ZNF503: variants seen among roughly 807,000 people sequenced by gnomAD.
The protein encoded by ZNF503 is zinc finger protein 503, also known as NocA-like zinc finger 2.
A neutral mutation model predicts 34.4 loss-of-function variants in ZNF503; 15 were observed. The ratio of observed to expected loss-of-function variants is 0.44; its 90% CI spans 0.29 to 0.67. The LOEUF is 0.67. Among genes scored for constraint, ZNF503 ranks in the 30% least tolerant of loss-of-function variants. ZNF503 has a pLI of 0.13. For synonymous variants in ZNF503, 580 were observed against 456.8 expected, an observed-to-expected ratio of 1.27 and a Z score of -3.44; for missense variants, 1,007 against 926.8, an observed-to-expected ratio of 1.09 and a Z score of -1.12.
At chr10:75,295,204 G>A in the ZNF503 span, among the ~76,000 whole-genome samples, 1 of 151,690 alleles carries the variant, frequency 6.6e-6, no homozygotes, top group Admixed American at 6.6e-5. The surrounding 1 kb of genome is among the most constrained non-coding windows in gnomAD (Gnocchi z 4.0). Flanking sequence ...CGCGGGGCGG[G>A]CCCGCCTGGG....
At chr10:75,360,120 T>C in the ZNF503 span, among the ~76,000 whole-genome samples, 1,057 of 138,246 alleles carry the variant, frequency 7.6e-3, 4 homozygotes, top group African/African-American at 0.027. Context: ...GTTTCTTTTT[T>C]TTTTTTTTTT....
At chr10:75,350,319 A>T in the ZNF503 span, 3 of 152,166 alleles carry the variant, frequency 2.0e-5, no homozygotes, top group Non-Finnish European at 4.4e-5. Context: ...GAAACTGAAC[A>T]CTTTGGGGAG....
At chr10:75,379,887 T>A in the ZNF503 span, among the ~76,000 whole-genome samples, 1 of 152,142 alleles carries the variant, frequency 6.6e-6, no homozygotes, top group Non-Finnish European at 1.5e-5. Flanking sequence ...GCCATCCAAA[T>A]GCAAGGTGGG....
the ZNF503 span, among the ~76,000 whole-genome samples, chr10:75,362,664 C>A: frequency 6.6e-6 from 1 of 152,200 alleles, no homozygotes. Flanking sequence ...GGGCTAAAGT[C>A]TTAATAATGA....
the ZNF503 span, among the ~76,000 whole-genome samples, chr10:75,354,446 G>A: frequency 1.3e-5 from 2 of 152,274 alleles, no homozygotes; most frequent in African/African-American, 4.8e-5. Context: ...GGCTTGGTAG[G>A]TCACGCCTAT....
chr10:75,367,857 C>G, the ZNF503 span, among the ~76,000 whole-genome samples: 2 of 152,180 alleles, frequency 1.3e-5, no homozygotes, highest in Non-Finnish European at 2.9e-5. Flanking sequence ...TGCCACACCT[C>G]CCCCTTATTT....
chr10:75,317,954 C>T, the ZNF503 span, among the ~76,000 whole-genome samples: 2 of 152,180 alleles, frequency 1.3e-5, no homozygotes, highest in Non-Finnish European at 2.9e-5. Flanking sequence ...TGAGATCACA[C>T]CACTACACTC....
the ZNF503 span, among the ~76,000 whole-genome samples, chr10:75,349,470 GTAT>G: frequency 5.3e-5 from 8 of 152,186 alleles, no homozygotes; most frequent in South Asian, 2.1e-4. Flanking sequence ...TATAATTAAT[GTAT>G]TATTAATAAT....
chr10:75,307,976 A>T, the ZNF503 span, among the ~76,000 whole-genome samples: 1 of 152,196 alleles, frequency 6.6e-6, no homozygotes, highest in Non-Finnish European at 1.5e-5. Context: ...ACTACTTGGG[A>T]GGCTGAGGCA....
At position 75,401,009 on chromosome 10, in the gene ZNF503, G is replaced by A; in HGVS notation, c.315+96C>T. ...CCCCATTCGGGAGCTGAATCACTCC[G>A]ACCCCCCCACCTCCGCCCAGATCCC... On this transcript the variant is annotated intron_variant, in intron 1 of 1. Transcript: ENST00000372524. The A allele has an allele frequency of 2.6e-6, 4 of 1,545,122 alleles. No homozygotes were observed. In the East Asian group the frequency reaches 9.5e-5, roughly 37 times the overall value.
Position 75,400,030 on chromosome 10 carries a change from C to A in ZNF503, c.660G>T (p.Gln220His). 6.2e-7 allele frequency: 1 copy of A among 1,601,734 alleles called. No homozygotes were observed. Among genetic ancestry groups the A allele is most frequent in the East Asian group, 2.2e-5 (1 of 44,584 alleles). Residue 220 changes from glutamine (Q) to histidine (H), a missense_variant, in exon 2 of 2, where the codon CAG (glutamine) becomes CAT (histidine). Transcript: ENST00000372524. ...SGFRVPSATC[Q>H]PFTPRTGSPS... ...GGCTGCCTGTCCTGGGCGTGAATGG[C>A]TGGCAGGTGGCGCTCGGTACCCGGA...
chr10:75,401,600 G>A lies in ZNF503; in HGVS notation c.-181C>T. The A allele has an allele frequency of 5.6e-6, 4 of 716,792 alleles. No individual in the cohort carries two copies. Among genetic ancestry groups the A allele is most frequent in the Middle Eastern group, 7.5e-4 (2 of 2,678 alleles). 44.4% of individuals were successfully genotyped at this position (716,792 alleles called of 1,614,324 possible). ...AGCCAGACGCGAGTAATCCTGGGTG[G>A]CCCGCAGCGGAGCCGTGGCCGGGCT... is the stretch of plus-strand genomic sequence containing the variant. On this transcript the variant is annotated 5_prime_UTR_variant, in exon 1 of 2. Transcript: ENST00000372524.
Position 75,398,734 on chromosome 10 carries a change from C to T in ZNF503, c.*15G>A, listed in dbSNP as rs1436948263. ...CCCTCTCCCTCCTCTCCCTCGCTCG[C>T]CCTCCCGGCCGCCCTCACTGATACC... On this transcript the variant is annotated 3_prime_UTR_variant, in exon 2 of 2. Transcript: ENST00000372524. 7.3e-7 allele frequency: 1 copy of T among 1,365,422 alleles called. No homozygotes were observed. The highest frequency in any genetic ancestry group is 9.4e-7 in the Non-Finnish European group (1 of 1,063,696). The allele number at this position is 1,365,422 out of a possible 1,614,324, so 84.6% of individuals were successfully genotyped here.
At chr10:75,335,019 G>T in the ZNF503 span, among the ~76,000 whole-genome samples, 1 of 152,202 alleles carries the variant, frequency 6.6e-6, no homozygotes, top group Non-Finnish European at 1.5e-5. Context: ...ATATCCAGAA[G>T]CAAAATTAAG....
chr10:75,367,623 A>C, the ZNF503 span, among the ~76,000 whole-genome samples: 1 of 152,200 alleles, frequency 6.6e-6, no homozygotes, highest in African/African-American at 2.4e-5. Context: ...AGGCTCAAAG[A>C]AGCCTCTTGA....
chr10:75,342,222 T>G, the ZNF503 span, among the ~76,000 whole-genome samples: 1 of 152,080 alleles, frequency 6.6e-6, no homozygotes, highest in Non-Finnish European at 1.5e-5. Flanking sequence ...ATCAGAGGCA[T>G]TGTTATGCAG....
rs1281953752 is a variant in ZNF503 at position 75,400,208 on chromosome 10, G to A, written c.482C>T (p.Pro161Leu). 6.2e-7 allele frequency: 1 copy of A among 1,603,086 alleles called. No individual in the cohort carries two copies. The highest frequency in any genetic ancestry group is 2.3e-5 in the East Asian group (1 of 44,414). ...AAGDKDTKSGPLKLSDIGVED... is the reference protein window; with the variant it reads ...AAGDKDTKSGLLKLSDIGVED... Reference sequence around the variant, plus strand: ...CACGCCGATGTCGCTCAGCTTCAGGGGGCCCGATTTGGTGTCCTTGTCGCC... The same window carrying A: ...CACGCCGATGTCGCTCAGCTTCAGGAGGCCCGATTTGGTGTCCTTGTCGCC... The change falls in exon 2 of 2, where the codon CCC (proline) becomes CTC (leucine). Residue 161 changes from proline to leucine, a missense_variant. Transcript: ENST00000372524.
At chr10:75,391,737 G>A in the ZNF503 span, among the ~76,000 whole-genome samples, 3 of 150,434 alleles carry the variant, frequency 2.0e-5, no homozygotes, top group African/African-American at 7.3e-5. Context: ...TCTGTCTTTT[G>A]TTTTTTTTTC....
Position 75,400,068 on chromosome 10 carries a change from C to G in ZNF503, c.622G>C (p.Glu208Gln). Residue 208 changes from glutamate (E) to glutamine (Q), a missense_variant, in exon 2 of 2, where the codon GAG (glutamate) becomes CAG (glutamine). Physicochemically the swap from Glu to Gln is conservative, Grantham distance 29. Transcript: ENST00000372524. ...GGGGGGGVSS[E>Q]KSGFRVPSAT... ...CTCGGTACCCGGAATCCCGACTTCT[C>G]CGACGAAACACCCCCGCCGCCGCCC... 1 of 1,570,848 alleles carries G rather than the reference C, an allele frequency of 6.4e-7. No homozygotes were observed. Among genetic ancestry groups the G allele is most frequent in the East Asian group, 2.3e-5 (1 of 42,680 alleles).
Sources: allele counts gnomAD v4.1 joint callset (sites outside exome capture counted in the v4.1 genomes callset), GRCh38; gene constraint gnomAD v4.1.1; non-coding constraint Gnocchi (gnomAD v3.1); transcripts MANE v1.5; gene names NCBI Gene and HGNC (gene_info 2026-07-23, HGNC 2026-07-21).